Variants in ALLC observed in about 807,000 individuals in gnomAD.
ALLC encodes the protein probable inactive allantoicase.
In ALLC, 40 loss-of-function variants were observed where a neutral mutation model predicts 45.0. The ratio of observed to expected loss-of-function variants is 0.89; its 90% confidence interval spans 0.69 to 1.16. The LOEUF (loss-of-function observed/expected upper bound fraction) is 1.16, where lower values mean the gene tolerates loss of function less well. ALLC is among the 50% of genes most tolerant of loss of function. The pLI is 0.00. For missense variants in ALLC, 488 were observed against 493.1 expected (o/e 0.99, Z 0.10); for synonymous variants, 176 against 178.1 (o/e 0.99, Z 0.09).
chr2:3,654,058 C>T (rs368845508), upstream of ALLC, among the ~76,000 whole-genome samples: 3 of 152,344 alleles, frequency 2.0e-5, no homozygotes, highest in African/African-American at 7.2e-5. Context: ...GCCACGGTCT[C>T]ATCTGAAGGC....
At position 3,702,494 on chromosome 2, in the gene ALLC, C is replaced by T; in HGVS notation, c.1107C>T (p.Ser369=). The change falls in exon 12 of 12, where the codon TCC becomes TCT. Residue 369 remains serine (S), a synonymous_variant. Coordinates refer to ENST00000252505, the MANE Select transcript of ALLC (RefSeq NM_018436.4). The part of the protein sequence containing the change: ...SRLRLRGFPS[S]ICLLRPREKP... The stretch of plus-strand genomic sequence containing the variant: ...TTCGGCTCCGGGGCTTCCCCAGCTC[C>T]ATCTGCCTCCTGAGGCCCCGGGAGA... 2 of 1,611,894 alleles carry T rather than the reference C, an allele frequency of 1.2e-6. No individual in the cohort carries two copies. Among genetic ancestry groups the T allele is most frequent in the South Asian group, 2.2e-5 (2 of 90,854 alleles).
rs1043498306 is a variant in ALLC, at chr2:3,658,284, C to T, written c.-73C>T. On this transcript the variant is annotated 5_prime_UTR_variant, in exon 1 of 12. Coordinates refer to ENST00000252505, the MANE Select transcript of ALLC (RefSeq NM_018436.4). Reference sequence around the variant, plus strand: ...AGATCCATTTATGAATACTTGATTTCTGACTGCTGGGTGAGCTGGAGTGTG... The same window carrying T: ...AGATCCATTTATGAATACTTGATTTTTGACTGCTGGGTGAGCTGGAGTGTG... 6.6e-6 allele frequency: 1 copy of T among 152,302 alleles called. No homozygotes were observed. Among genetic ancestry groups the T allele is most frequent in the African/African-American group, 2.4e-5 (1 of 41,482 alleles). 9.4% of individuals were successfully genotyped at this position (152,302 alleles called of 1,614,324 possible).
intron 1 of ALLC, among the ~76,000 whole-genome samples, chr2:3,660,794 C>T (rs918322069): frequency 6.6e-6 from 1 of 151,162 alleles, no homozygotes; most frequent in African/African-American, 2.4e-5. Flanking sequence ...AGCAGGAAAA[C>T]GGAATGAGTC....
chr2:3,667,934 T>A (rs1666769263), intron 1 of ALLC, among the ~76,000 whole-genome samples: 1 of 152,142 alleles, frequency 6.6e-6, no homozygotes, highest in Non-Finnish European at 1.5e-5. Flanking sequence ...CTGGCTAATC[T>A]TTGTATATTC....
chr2:3,657,298 C>T (rs1666465243), upstream of ALLC, among the ~76,000 whole-genome samples: 1 of 152,158 alleles, frequency 6.6e-6, no homozygotes. Flanking sequence ...GCTTTGCTTT[C>T]CTCTGGGAAA....
At chr2:3,652,315 G>T in the ALLC span, among the ~76,000 whole-genome samples, 5 of 152,346 alleles carry the variant, frequency 3.3e-5, no homozygotes, top group East Asian at 1.9e-4. Flanking sequence ...GGTCTGTCTG[G>T]TACCTAGAGC....
the ALLC span, among the ~76,000 whole-genome samples, chr2:3,647,473 G>A: frequency 6.6e-6 from 1 of 152,088 alleles, no homozygotes. Flanking sequence ...ATTCCAGAGT[G>A]TGGCCGCTGG....
intron 7 of ALLC, among the ~76,000 whole-genome samples, chr2:3,691,802 C>T (rs1244393559): frequency 6.6e-6 from 1 of 152,054 alleles, no homozygotes; most frequent in Non-Finnish European, 1.5e-5. Flanking sequence ...AATCTTTATT[C>T]CTTTTCATTT....
chr2:3,668,662 G>A (rs751628538), intron 1 of ALLC, among the ~76,000 whole-genome samples: 10 of 128,390 alleles, frequency 7.8e-5, no homozygotes, highest in Non-Finnish European at 1.1e-4. Context: ...CGCAAACTCC[G>A]CCTCCTGGGT....
chr2:3,652,129 C>T, the ALLC span, among the ~76,000 whole-genome samples: 1 of 152,244 alleles, frequency 6.6e-6, no homozygotes, highest in Non-Finnish European at 1.5e-5. Context: ...AGCCCCGCCT[C>T]GGTGCGTGTG....
intron 4 of ALLC, 138 bp downstream of exon 4, chr2:3,678,693 T>G: frequency 1.4e-6 from 1 of 689,756 alleles, no homozygotes; most frequent in Non-Finnish European, 2.5e-6. Context: ...GATGTCCTTA[T>G]CTGAACATCA....
At chr2:3,655,711 C>T (rs535182878), upstream of ALLC, among the ~76,000 whole-genome samples, 5 of 152,372 alleles carry the variant, frequency 3.3e-5, no homozygotes, top group African/African-American at 1.2e-4. Context: ...CCTCCCGTCT[C>T]AGCCTCCCGA....
intron 1 of ALLC, among the ~76,000 whole-genome samples, chr2:3,669,115 T>G (rs1052559524): frequency 2.6e-5 from 4 of 151,794 alleles, no homozygotes; most frequent in African/African-American, 9.7e-5. Context: ...GGAGGGTGGA[T>G]CACCTAAGGT....
chr2:3,701,245 A>G (rs1359923442), intron 10 of ALLC, among the ~76,000 whole-genome samples: 3 of 152,192 alleles, frequency 2.0e-5, no homozygotes, highest in African/African-American at 7.2e-5. Flanking sequence ...AACGCTATAC[A>G]TGCAAATTGA....
intron 1 of ALLC, among the ~76,000 whole-genome samples, chr2:3,662,288 G>A (rs749026766): frequency 6.6e-5 from 10 of 152,152 alleles, no homozygotes; most frequent in Non-Finnish European, 1.3e-4. Context: ...TTGCATATAT[G>A]GTGAGAAATA....
chr2:3,659,808 A>G (rs1182322242), intron 1 of ALLC, among the ~76,000 whole-genome samples: 2 of 152,198 alleles, frequency 1.3e-5, no homozygotes, highest in Non-Finnish European at 2.9e-5. Context: ...GGGGCCCTGC[A>G]CAGCACAGGC....
intron 1 of ALLC, among the ~76,000 whole-genome samples, chr2:3,667,675 G>A (rs1360989772): frequency 3.3e-5 from 5 of 152,228 alleles, no homozygotes; most frequent in Admixed American, 2.0e-4. Context: ...CACAGTAAAT[G>A]TTAGGGGGTT....
At chr2:3,692,359 T>G (rs538272973) in intron 7 of ALLC, among the ~76,000 whole-genome samples, 17 of 152,342 alleles carry the variant, frequency 1.1e-4, no homozygotes, top group African/African-American at 4.1e-4. Flanking sequence ...TAACGATAGC[T>G]GATGAGCCAA....
In ALLC at chr2:3,679,804, G is replaced by C. The variant is rs951192678; in HGVS notation, c.173-65G>C. On this transcript the variant is annotated intron_variant, in intron 4 of 11. Transcript: ENST00000252505. ...GGGTCAGGTGCATGTGGGGTGCACT[G>C]CCTCGCATGCAGCATCTGCTGTGTT... is the stretch of plus-strand genomic sequence containing the variant. The C allele has an allele frequency of 4.4e-6, 7 of 1,600,718 alleles. No homozygotes were observed. In the African/African-American group the frequency reaches 9.4e-5, roughly 21 times the overall value.
Sources: gnomAD v4.1 joint callset for allele counts (sites outside exome capture counted in the v4.1 genomes callset) on GRCh38, gnomAD v4.1.1 for gene constraint, MANE v1.5 for transcripts, NCBI Gene and HGNC (gene_info 2026-07-23, HGNC 2026-07-21) for gene names.